Variants in RORA observed in about 807,000 individuals in gnomAD.
RORA encodes RAR related orphan receptor A.
In RORA, 7 loss-of-function variants were observed where a neutral mutation model predicts 69.5. The observed-to-expected ratio is 0.10, with a 90% CI of 0.06 to 0.19. The LOEUF (loss-of-function observed/expected upper bound fraction) is 0.19, where lower values mean the gene tolerates loss of function less well. Ranked by LOEUF, RORA falls within the 10% of genes least tolerant of loss-of-function variation. The probability of loss-of-function intolerance (pLI) is 1.00; values close to 1 mark genes in which losing one functional copy is unlikely to be tolerated. For missense variants in RORA, 457 were observed against 663.0 expected, an observed-to-expected ratio of 0.69 and a Z score of 3.41; for synonymous variants, 261 against 240.8, an observed-to-expected ratio of 1.08 and a Z score of -0.78.
intron 2 of RORA, among the ~76,000 whole-genome samples, chr15:60,588,758 T>C (rs1425751759): frequency 6.6e-6 from 1 of 152,254 alleles, no homozygotes; most frequent in Non-Finnish European, 1.5e-5. Flanking sequence ...TATTTCTGTT[T>C]AGAAATTACA....
At chr15:60,944,328 G>T (rs1433592086) in intron 1 of RORA, among the ~76,000 whole-genome samples, 1 of 152,114 alleles carries the variant, frequency 6.6e-6, no homozygotes, top group Non-Finnish European at 1.5e-5. Context: ...GACCCAGTTG[G>T]CCACAGTGAA....
At chr15:61,050,001 T>C (rs535867242) in intron 1 of RORA, among the ~76,000 whole-genome samples, 24 of 152,320 alleles carry the variant, frequency 1.6e-4, no homozygotes, top group African/African-American at 2.4e-5. Context: ...GCTTTTAATA[T>C]GGTAATGAGT....
At chr15:61,106,889 A>G (rs988003027) in intron 1 of RORA, among the ~76,000 whole-genome samples, 5 of 152,204 alleles carry the variant, frequency 3.3e-5, no homozygotes, top group African/African-American at 7.2e-5. Context: ...ATAAGGATGG[A>G]AAGTGCCCTT....
intron 1 of RORA, among the ~76,000 whole-genome samples, chr15:61,095,267 T>C (rs959442656): frequency 7.2e-5 from 11 of 152,162 alleles, no homozygotes; most frequent in African/African-American, 2.7e-4. Context: ...TATGCCGAGA[T>C]GATCATAGGG....
Position 60,769,655 on chromosome 15 carries a change from G to A in RORA, c.167-90969C>T, listed in dbSNP as rs548363651. Among the ~76,000 whole-genome samples the A allele has an allele frequency of 3.9e-5, 6 of 152,196 alleles. No individual in the cohort carries two copies. The East Asian group carries it at 7.7e-4, about 20-fold the overall frequency. ...TTGATGTTATAAACTCTCATGCCAC[G>A]AGTGTGCCTCTCTGATGTCTGATAT... On this transcript the variant is annotated intron_variant, in intron 1 of 10. Transcript: ENST00000335670.
At chr15:60,747,476 G>A (rs1007457617) in intron 1 of RORA, among the ~76,000 whole-genome samples, 4 of 152,118 alleles carry the variant, frequency 2.6e-5, no homozygotes, top group Non-Finnish European at 4.4e-5. Flanking sequence ...ACTTAGCCTC[G>A]ATCTATTAAA....
chr15:60,533,723 A>C lies in RORA; in HGVS notation c.197-1872T>G, dbSNP rs1190158255. Among the ~76,000 whole-genome samples, 5 of 152,222 alleles carry C rather than the reference A, an allele frequency of 3.3e-5. No individual in the cohort carries two copies. The East Asian group carries it at 9.6e-4, about 29-fold the overall frequency. On this transcript the variant is annotated intron_variant, in intron 2 of 10. Coordinates refer to ENST00000335670, the MANE Select transcript of RORA (RefSeq NM_134261.3). ...ATGAATTGAGTAGGCTAGAATGAGAACCAGCCTCCTTACCCTGATTCCTAG... is the reference window on the plus strand; with the variant it reads ...ATGAATTGAGTAGGCTAGAATGAGACCCAGCCTCCTTACCCTGATTCCTAG...
At chr15:60,566,808 G>A (rs2067725363) in intron 2 of RORA, among the ~76,000 whole-genome samples, 1 of 152,176 alleles carries the variant, frequency 6.6e-6, no homozygotes, top group Admixed American at 6.5e-5. Context: ...CATGCGTGAT[G>A]TGTTCAAAGA....
At chr15:60,776,550 T>G (rs896559152) in intron 1 of RORA, among the ~76,000 whole-genome samples, 2 of 152,172 alleles carry the variant, frequency 1.3e-5, no homozygotes, top group Non-Finnish European at 1.5e-5. Flanking sequence ...GCTCTTCTGC[T>G]CCTTTTAAAT....
chr15:61,073,355 A>C (rs1279174406), intron 1 of RORA, among the ~76,000 whole-genome samples: 3 of 152,016 alleles, frequency 2.0e-5, no homozygotes, highest in African/African-American at 7.2e-5. Context: ...CAAAACACTC[A>C]ATCCACCATG....
At chr15:61,127,022 AAC>A (rs772386551) in intron 1 of RORA, among the ~76,000 whole-genome samples, 2 of 152,156 alleles carry the variant, frequency 1.3e-5, no homozygotes, top group Non-Finnish European at 2.9e-5. Flanking sequence ...AGCAAACTGA[AAC>A]ACACACACAC....
In RORA at chr15:60,592,453, T is replaced by C. The variant is rs778442349; in HGVS notation, c.197-60602A>G. The C allele has an allele frequency of 7.0e-5, 98 of 1,403,362 alleles. 1 individual carries two copies. The South Asian group carries it at 1.4e-3, about 20-fold the overall frequency. 86.9% of individuals were successfully genotyped at this position (1,403,362 alleles called of 1,614,324 possible). A position where few individuals can be genotyped will look rare whatever the true frequency, so the allele number is the denominator to read the frequency against. On this transcript the variant is annotated intron_variant, in intron 2 of 10. Transcript: ENST00000335670. ...GTGCGGAGAGCGCAGGGAGAGCGGA[T>C]GGTCCGACCCCGGAGCCCCCTCTGC... is the stretch of plus-strand genomic sequence containing the variant.
chr15:61,031,356 T>C (rs1331112079), intron 1 of RORA, among the ~76,000 whole-genome samples: 1 of 152,192 alleles, frequency 6.6e-6, no homozygotes, highest in Non-Finnish European at 1.5e-5. Flanking sequence ...AGATTATGCC[T>C]CCAGTTTATT....
intron 2 of RORA, chr15:60,650,853 T>C (rs1427783452): frequency 6.6e-6 from 1 of 152,254 alleles, no homozygotes; most frequent in Non-Finnish European, 1.5e-5. Flanking sequence ...TTTATCCTCA[T>C]AACCATGTTT....
At chr15:60,897,776 A>C (rs1023968003) in intron 1 of RORA, among the ~76,000 whole-genome samples, 2 of 152,256 alleles carry the variant, frequency 1.3e-5, no homozygotes, top group Admixed American at 6.5e-5. Flanking sequence ...GCAGTGTGAA[A>C]ATTTACACAG....
chr15:61,150,620 T>C (rs1191850074), intron 1 of RORA, among the ~76,000 whole-genome samples: 7 of 152,200 alleles, frequency 4.6e-5, no homozygotes, highest in Non-Finnish European at 8.8e-5. Flanking sequence ...ATGTGACTTA[T>C]TTAAAGATTC....
chr15:60,526,483 A>C (rs570218761), intron 3 of RORA, among the ~76,000 whole-genome samples: 1 of 152,340 alleles, frequency 6.6e-6, no homozygotes, highest in African/African-American at 2.4e-5. Flanking sequence ...AGATCTAAAC[A>C]AACAAATAAA....
intron 1 of RORA, among the ~76,000 whole-genome samples, chr15:61,072,028 G>C (rs1331676311): frequency 6.6e-6 from 1 of 152,006 alleles, no homozygotes; most frequent in African/African-American, 2.4e-5. Context: ...TTTCACCCTG[G>C]AGGATATTTA....
intron 2 of RORA, among the ~76,000 whole-genome samples, chr15:60,625,673 T>C (rs1596074490): frequency 6.6e-6 from 1 of 152,216 alleles, no homozygotes; most frequent in Non-Finnish European, 1.5e-5. Context: ...TCTCTAAAGA[T>C]GTGGCGTGAA....
Sources: gnomAD v4.1 joint callset for allele counts (sites outside exome capture counted in the v4.1 genomes callset) on GRCh38, gnomAD v4.1.1 for gene constraint, MANE v1.5 for transcripts, NCBI Gene and HGNC (gene_info 2026-07-23, HGNC 2026-07-21) for gene names.